The following KIF18B variants were observed in gnomAD, a reference collection of about 807,000 sequenced individuals.
KIF18B encodes the protein kinesin-like protein KIF18B.
A neutral mutation model predicts 80.9 loss-of-function variants in KIF18B; 49 were observed. That is an observed-to-expected ratio of 0.61 (90% CI 0.48 to 0.77). The LOEUF is 0.77. KIF18B is among the 30% of genes least tolerant of loss of function. KIF18B has a pLI of 0.00. For synonymous variants in KIF18B, 439 were observed against 463.9 expected, an observed-to-expected ratio of 0.95 and a Z score of 0.69; for missense variants, 994 against 1,127.7, an observed-to-expected ratio of 0.88 and a Z score of 1.70.
At chr17:44,943,186 G>A (rs140193461) in intron 1 of KIF18B, among the ~76,000 whole-genome samples, 4,652 of 151,902 alleles carry the variant, frequency 0.031, 134 homozygotes, top group East Asian at 0.14. Context: ...TGCAAGCTCC[G>A]CCTCCTGGGT....
intron 1 of KIF18B, among the ~76,000 whole-genome samples, chr17:44,945,560 A>G (rs1242035994): frequency 6.6e-6 from 1 of 152,158 alleles, no homozygotes; most frequent in Non-Finnish European, 1.5e-5. Context: ...CATGTTAATT[A>G]TCTTTTAATT....
Position 44,934,057 on chromosome 17 carries a change from G to A in KIF18B, c.928C>T (p.Arg310Cys), listed in dbSNP as rs978990055. The stretch of plus-strand genomic sequence containing the variant: ...CCCCCGAGGGAGTCTTTGAGCAGGC[G>A]GGTCAGTTTGCTGTCCCGGTAGGGC... ...HVPYRDSKLT[R>C]LLKDSLGGNC... Residue 310 changes from arginine to cysteine, a missense_variant, in exon 7 of 16, where the codon CGC becomes TGC. By Grantham distance (180) the Arg-to-Cys change is radical (BLOSUM62 -3). Coordinates refer to ENST00000593135, the MANE Select transcript of KIF18B (RefSeq NM_001265577.2). This position sits in a 1 kb window ranked among gnomAD's most constrained non-coding sequence, Gnocchi z 5.4. 24 of 1,612,370 alleles carry A rather than the reference G, an allele frequency of 1.5e-5. No homozygotes were observed. The highest frequency in any genetic ancestry group is 1.8e-5 in the Non-Finnish European group (21 of 1,179,364).
In KIF18B at chr17:44,940,460, A is replaced by T. The variant is rs140073241; in HGVS notation, c.-14-4102T>A. 6.3e-4 allele frequency among the ~76,000 whole-genome samples: 96 copies of T among 152,318 alleles called. 1 individual carries two copies. The highest frequency in any genetic ancestry group is 2.2e-3 in the African/African-American group (92 of 41,570). On this transcript the variant is annotated intron_variant, in intron 1 of 15. Transcript: ENST00000593135. The stretch of plus-strand genomic sequence containing the variant: ...TTGACCTGGTAATAATTCCAAACAT[A>T]TATTTACTCATTCACTCTTATATCA...
In KIF18B at chr17:44,934,869, C is replaced by T. The variant is rs201748132; in HGVS notation, c.538G>A (p.Asp180Asn). The T allele has an allele frequency of 6.2e-5, 96 of 1,551,136 alleles. 1 individual carries two copies. The highest frequency in any genetic ancestry group is 7.5e-5 in the Non-Finnish European group (86 of 1,146,456). The part of the protein sequence containing the change: ...KGPLAIREDP[D>N]KGVVVQGLSF... Reference sequence around the variant, plus strand: ...AGTCCTTGCACCACCACCCCCTTGTCGGGGTCCTCGCGGATGGCAAGGGGC... The same window carrying T: ...AGTCCTTGCACCACCACCCCCTTGTTGGGGTCCTCGCGGATGGCAAGGGGC... The change falls in exon 4 of 16, where the codon GAC becomes AAC. Residue 180 changes from aspartate to asparagine, a missense_variant. Asp to Asn is a conservative substitution (Grantham distance 23). Coordinates refer to ENST00000593135, the MANE Select transcript of KIF18B (RefSeq NM_001265577.2). The surrounding 1 kb of genome is among the most constrained non-coding windows in gnomAD (Gnocchi z 5.4).
intron 1 of KIF18B, among the ~76,000 whole-genome samples, chr17:44,937,985 C>T (rs2052341779): frequency 1.6e-5 from 2 of 121,312 alleles, no homozygotes; most frequent in Admixed American, 1.5e-4. Flanking sequence ...CATACACACA[C>T]ACACACACAC....
chr17:44,932,762 C>T lies in KIF18B; in HGVS notation c.1149G>A (p.Leu383=). The T allele has an allele frequency of 1.9e-6, 3 of 1,613,204 alleles. No homozygotes were observed. The highest frequency in any genetic ancestry group is 2.5e-6 in the Non-Finnish European group (3 of 1,179,594). The change falls in exon 9 of 16, where the codon CTG becomes CTA. Residue 383 remains leucine, a synonymous_variant. Transcript: ENST00000593135. ...CCTCATACACTTGGAGCTTCTTCCTCAGAGCGGCTACCTGGAACAGAAGCA... is the reference window on the plus strand; with the variant it reads ...CCTCATACACTTGGAGCTTCTTCCTTAGAGCGGCTACCTGGAACAGAAGCA... The part of the protein sequence containing the change: ...CQQLQAEVAA[L]RKKLQVYEGG...
At position 44,934,370 on chromosome 17, in the gene KIF18B, T is replaced by A; in HGVS notation, c.748A>T (p.Met250Leu). The stretch of plus-strand genomic sequence containing the variant: ...GAGCCAGCCAGGTCAATCAGGCTCA[T>A]CTTGGCCACCTGGACAGCCTGGGTC... Reference protein sequence around the residue: ...GLTQAVQVAKMSLIDLAGSER... With the variant: ...GLTQAVQVAKLSLIDLAGSER... Residue 250 changes from methionine to leucine, a missense_variant, in exon 6 of 16, where the codon ATG becomes TTG. Coordinates refer to ENST00000593135, the MANE Select transcript of KIF18B (RefSeq NM_001265577.2). The surrounding 1 kb of genome is among the most constrained non-coding windows in gnomAD (Gnocchi z 5.4). 1 of 1,607,446 alleles carries A rather than the reference T, an allele frequency of 6.2e-7. No homozygotes were observed. Among genetic ancestry groups the A allele is most frequent in the Non-Finnish European group, 8.5e-7 (1 of 1,176,782 alleles).
rs1227707675 is a variant in KIF18B, at chr17:44,934,574, T to A, written c.620A>T (p.Asn207Ile). The A allele has an allele frequency of 3.7e-6, 6 of 1,612,542 alleles. No homozygotes were observed. The highest frequency in any genetic ancestry group is 2.2e-5 in the South Asian group (2 of 90,772). Residue 207 changes from asparagine (N) to isoleucine (I), a missense_variant, in exon 5 of 16, where the codon AAC (asparagine) becomes ATC (isoleucine). Coordinates refer to ENST00000593135, the MANE Select transcript of KIF18B (RefSeq NM_001265577.2). This position sits in a 1 kb window ranked among gnomAD's most constrained non-coding sequence, Gnocchi z 5.4. Reference sequence around the variant, plus strand: ...AGTGGGGTGCTGCGTGCGGTTACGGTTCCCCCTGGTCAGTATCTCCAGCAG... The same window carrying A: ...AGTGGGGTGCTGCGTGCGGTTACGGATCCCCCTGGTCAGTATCTCCAGCAG... ...EQLLEILTRG[N>I]RNRTQHPTDA...
intron 1 of KIF18B, among the ~76,000 whole-genome samples, chr17:44,937,311 T>G (rs906750569): frequency 6.6e-6 from 1 of 152,182 alleles, no homozygotes; most frequent in Non-Finnish European, 1.5e-5. Flanking sequence ...TACTGAGCCT[T>G]TTATTTTATT....
chr17:44,938,578 A>G (rs1232407909), intron 1 of KIF18B, among the ~76,000 whole-genome samples: 2 of 152,048 alleles, frequency 1.3e-5, no homozygotes, highest in Non-Finnish European at 2.9e-5. Flanking sequence ...TCTTACATTT[A>G]GGTTGTCATG....
chr17:44,946,122 TG>T (rs2052508959), intron 1 of KIF18B, among the ~76,000 whole-genome samples: 23 of 152,128 alleles, frequency 1.5e-4, no homozygotes, highest in Non-Finnish European at 1.6e-4. Flanking sequence ...AAAAAGATTA[TG>T]TTTTATACAA....
At chr17:44,935,555 C>A in intron 2 of KIF18B, 139 bp from the exon 3 acceptor site, 1 of 886,038 alleles carries the variant, frequency 1.1e-6, no homozygotes, top group East Asian at 2.7e-5. Context: ...TCCATGTTCC[C>A]GCTGCAGGGC....
rs780887291 is a variant in KIF18B, at chr17:44,931,582, T to C, written c.1517+20A>G. On this transcript the variant is annotated intron_variant, in intron 11 of 15. Coordinates refer to ENST00000593135, the MANE Select transcript of KIF18B (RefSeq NM_001265577.2). Reference sequence around the variant, plus strand: ...ATTGCTTCCCACCTTGATTCCAGAATACAGCAAGAAGATACCTACTGCTTA... The same window carrying C: ...ATTGCTTCCCACCTTGATTCCAGAACACAGCAAGAAGATACCTACTGCTTA... 23 of 1,613,742 alleles carry C rather than the reference T, an allele frequency of 1.4e-5. No individual in the cohort carries two copies. Among genetic ancestry groups the C allele is most frequent in the Non-Finnish European group, 1.9e-5 (22 of 1,179,852 alleles).
intron 2 of KIF18B, 72 bp downstream of exon 2, chr17:44,935,960 G>A: frequency 7.1e-7 from 1 of 1,406,982 alleles, no homozygotes; most frequent in Non-Finnish European, 9.9e-7. Flanking sequence ...CATGCCAGAA[G>A]ACACATGAAA....
chr17:44,927,203 T>C lies in KIF18B; in HGVS notation c.2277-125A>G, dbSNP rs1276614389. Reference sequence around the variant, plus strand: ...TGGTTGGACAAGATGACCTCTGAGGTTTCTTCTACAAAGAGGTGGATTCCT... The same window carrying C: ...TGGTTGGACAAGATGACCTCTGAGGCTTCTTCTACAAAGAGGTGGATTCCT... On this transcript the variant is annotated intron_variant, in intron 13 of 15. Transcript: ENST00000593135. The surrounding 1 kb of genome is among the most constrained non-coding windows in gnomAD (Gnocchi z 4.1). 3.1e-6 allele frequency: 2 copies of C among 653,000 alleles called. No homozygotes were observed. The highest frequency in any genetic ancestry group is 3.7e-5 in the African/African-American group (2 of 54,222). The allele number at this position is 653,000 out of a possible 1,614,324, so 40.5% of individuals were successfully genotyped here. A position where few individuals can be genotyped will look rare whatever the true frequency, so the allele number is the denominator to read the frequency against.
chr17:44,926,924 G>T, intron 14 of KIF18B, 65 bp downstream of exon 14: 1 of 1,397,080 alleles, frequency 7.2e-7, no homozygotes, highest in Non-Finnish European at 1.0e-6. Flanking sequence ...AGTCGGCCCA[G>T]GTGTCTACTG....
intron 1 of KIF18B, among the ~76,000 whole-genome samples, chr17:44,938,688 A>G (rs2052356617): frequency 6.6e-6 from 1 of 152,186 alleles, no homozygotes; most frequent in Non-Finnish European, 1.5e-5. Flanking sequence ...CATTTATCGA[A>G]TAGTGCATTC....
chr17:44,945,292 C>T (rs1742670390), intron 1 of KIF18B, among the ~76,000 whole-genome samples: 1 of 152,156 alleles, frequency 6.6e-6, no homozygotes, highest in East Asian at 1.9e-4. Flanking sequence ...AACTCCTGGG[C>T]TCAAGCTGTC....
chr17:44,929,154 T>G, intron 11 of KIF18B, 130 bp from the exon 12 acceptor site: 2 of 771,322 alleles, frequency 2.6e-6, no homozygotes. Flanking sequence ...GGCTCCCTCC[T>G]GCCTCACCCC....
Sources: gnomAD v4.1 joint callset for allele counts (sites outside exome capture counted in the v4.1 genomes callset) on GRCh38, gnomAD v4.1.1 for gene constraint, Gnocchi (gnomAD v3.1) non-coding constraint, MANE v1.5 for transcripts, NCBI Gene and HGNC (gene_info 2026-07-23, HGNC 2026-07-21) for gene names.